Variants in OMA1 observed in about 807,000 individuals in gnomAD.
OMA1 encodes the protein metalloendopeptidase OMA1, mitochondrial.
In OMA1, 38 loss-of-function variants were observed where a neutral mutation model predicts 30.9. The ratio of observed to expected loss-of-function variants is 1.23; its 90% CI spans 0.95 to 1.61. The LOEUF (loss-of-function observed/expected upper bound fraction) is 1.61, where lower values mean the gene tolerates loss of function less well. Ranked by LOEUF, OMA1 falls within the 40% of genes most tolerant of loss-of-function variation. OMA1 has a pLI of 0.00. For synonymous variants in OMA1, 173 were observed against 121.9 expected (o/e 1.42, Z -2.76); for missense variants, 461 against 349.2 (o/e 1.32, Z -2.55).
chr1:58,524,285 C>A (rs1646315789), intron 7 of OMA1, among the ~76,000 whole-genome samples: 1 of 152,210 alleles, frequency 6.6e-6, no homozygotes, highest in Non-Finnish European at 1.5e-5. Flanking sequence ...CTTAAAGCAT[C>A]TGGGAATGCA....
intron 6 of OMA1, among the ~76,000 whole-genome samples, chr1:58,529,662 A>T (rs1646402672): frequency 6.6e-6 from 1 of 152,232 alleles, no homozygotes. Context: ...ACCCAAATAC[A>T]GTTGGCTCTC....
intron 3 of OMA1, among the ~76,000 whole-genome samples, chr1:58,535,256 T>A (rs1646497637): frequency 6.6e-6 from 1 of 152,168 alleles, no homozygotes. Context: ...AAATTAAAAA[T>A]GTTCTGAAAT....
At chr1:58,505,078 G>C (rs1434449895) in intron 8 of OMA1, among the ~76,000 whole-genome samples, 1 of 151,834 alleles carries the variant, frequency 6.6e-6, no homozygotes, top group South Asian at 2.1e-4. Flanking sequence ...TCAATCTCCC[G>C]AGTAGCTGGG....
chr1:58,534,169 A>C lies in OMA1; in HGVS notation c.892T>G (p.Phe298Val). The change falls in exon 4 of 9, where the codon TTC (phenylalanine) becomes GTC (valine). Residue 298 changes from phenylalanine (F) to valine (V), a missense_variant. By Grantham distance (50) the Phe-to-Val change is conservative. Coordinates refer to ENST00000371226, the MANE Select transcript of OMA1 (RefSeq NM_145243.5). ...GAACATTTACTTACTGGAAGCACGA[A>C]GGCATTAATAATTGGGGAATCAACC... ...HVVDSPIINA[F>V]VLPNGQMFVF... 3 of 871,252 alleles carry C rather than the reference A, an allele frequency of 3.4e-6. No individual in the cohort carries two copies. The highest frequency in any genetic ancestry group is 2.2e-4 in the Middle Eastern group (1 of 4,606). 54.0% of individuals were successfully genotyped at this position (871,252 alleles called of 1,614,324 possible).
rs1187710684 is a variant in OMA1, at chr1:58,539,019, C to T, written c.276G>A (p.Arg92=). ...TCCATACAGTACATTTGCTGGTAAT[C>T]CTCCAAATTTCCTTACTTTTGGTAC... ...LSSTKSKEIW[R]ITSKCTVWND... The change falls in exon 2 of 9, where the codon AGG becomes AGA. Residue 92 remains arginine (R), a synonymous_variant. Transcript: ENST00000371226. The T allele has an allele frequency of 1.1e-6, 1 of 872,802 alleles. No homozygotes were observed. The highest frequency in any genetic ancestry group is 1.3e-5 in the South Asian group (1 of 76,542). 54.1% of individuals were successfully genotyped at this position (872,802 alleles called of 1,614,324 possible).
At chr1:58,486,264 T>A (rs1225954156) in intron 8 of OMA1, among the ~76,000 whole-genome samples, 1 of 152,218 alleles carries the variant, frequency 6.6e-6, no homozygotes, top group African/African-American at 2.4e-5. Flanking sequence ...GATATTGCTA[T>A]CCTGATTTCA....
At chr1:58,483,510 G>A (rs879438795) in intron 8 of OMA1, among the ~76,000 whole-genome samples, 11 of 152,138 alleles carry the variant, frequency 7.2e-5, no homozygotes, top group Non-Finnish European at 1.0e-4. Context: ...ATTACTTAAC[G>A]TGAAATTCTT....
At chr1:58,541,285 C>A (rs1237837642) in intron 1 of OMA1, among the ~76,000 whole-genome samples, 4 of 59,430 alleles carry the variant, frequency 6.7e-5, no homozygotes, top group African/African-American at 2.6e-4. Context: ...CAGAGTGAGA[C>A]TCTGTCTCAA....
intron 8 of OMA1, among the ~76,000 whole-genome samples, chr1:58,497,465 C>T (rs969600762): frequency 1.8e-4 from 28 of 152,120 alleles, no homozygotes; most frequent in African/African-American, 5.8e-4. Context: ...GAAATGCATA[C>T]TAAAGTTGAT....
chr1:58,489,513 G>T (rs564157567), intron 8 of OMA1, among the ~76,000 whole-genome samples: 1 of 152,276 alleles, frequency 6.6e-6, no homozygotes, highest in East Asian at 1.9e-4. Context: ...TCCACCTCTG[G>T]GGGCAGGGCA....
chr1:58,518,230 G>GGGGAGAC (rs1646191162), intron 7 of OMA1, among the ~76,000 whole-genome samples: 2 of 6,666 alleles, frequency 3.0e-4, no homozygotes, highest in Non-Finnish European at 5.4e-4. Context: ...AGAGGGGAGA[G>GGGGAGAC]GGGAGAGGGG....
At chr1:58,500,052 A>G (rs1045487498) in intron 8 of OMA1, among the ~76,000 whole-genome samples, 1 of 152,216 alleles carries the variant, frequency 6.6e-6, no homozygotes, top group Admixed American at 6.5e-5. Context: ...AGACATTTCA[A>G]GAGGGAAAAA....
At chr1:58,525,114 C>T (rs893541446) in intron 7 of OMA1, among the ~76,000 whole-genome samples, 3 of 152,084 alleles carry the variant, frequency 2.0e-5, no homozygotes, top group East Asian at 1.9e-4. Flanking sequence ...TGTAGGCACA[C>T]GTTTTGATAA....
chr1:58,535,533 T>C (rs770902551), intron 3 of OMA1, among the ~76,000 whole-genome samples: 1 of 149,214 alleles, frequency 6.7e-6, no homozygotes, highest in Admixed American at 6.7e-5. Context: ...AAGGTGGAGG[T>C]TGCAGTGAGC....
chr1:58,543,522 T>G (rs924817001), intron 1 of OMA1, among the ~76,000 whole-genome samples: 3 of 152,072 alleles, frequency 2.0e-5, no homozygotes, highest in Non-Finnish European at 4.4e-5. Flanking sequence ...CCACCTAATC[T>G]CCCTGCCTTA....
intron 8 of OMA1, among the ~76,000 whole-genome samples, chr1:58,490,556 G>C (rs1261429334): frequency 1.3e-5 from 2 of 152,072 alleles, no homozygotes; most frequent in East Asian, 3.9e-4. Context: ...AATCTAGCAA[G>C]GCAGGCCAAC....
chr1:58,498,548 TA>T (rs1645843189), intron 8 of OMA1, among the ~76,000 whole-genome samples: 1 of 152,160 alleles, frequency 6.6e-6, no homozygotes. Flanking sequence ...GAATAGTGGG[TA>T]ACTACTTTAA....
At chr1:58,533,499 T>A (rs1221136649) in intron 5 of OMA1, among the ~76,000 whole-genome samples, 8 of 152,198 alleles carry the variant, frequency 5.3e-5, no homozygotes, top group Non-Finnish European at 1.2e-4. Flanking sequence ...TCTGTATTAA[T>A]TACACATGAC....
chr1:58,488,285 T>C (rs1484252821), intron 8 of OMA1, among the ~76,000 whole-genome samples: 3 of 152,338 alleles, frequency 2.0e-5, no homozygotes, highest in East Asian at 3.9e-4. Context: ...AATTTTACTA[T>C]ACTATGTTCT....
Sources: gnomAD v4.1 joint callset for allele counts (sites outside exome capture counted in the v4.1 genomes callset) on GRCh38, gnomAD v4.1.1 for gene constraint, MANE v1.5 for transcripts, NCBI Gene and HGNC (gene_info 2026-07-23, HGNC 2026-07-21) for gene names.